Variants in DIS3 observed in about 807,000 individuals in gnomAD.
DIS3 encodes the protein DIS3 exosome endoribonuclease and 3'-5' exoribonuclease, also known as exosome complex exonuclease RRP44.
In DIS3, 103 loss-of-function variants were observed where a neutral mutation model predicts 113.0. The ratio of observed to expected loss-of-function variants is 0.91; its 90% CI spans 0.78 to 1.07. The LOEUF is 1.07. Among genes scored for constraint, DIS3 ranks in the 50% least tolerant of loss-of-function variants. The pLI is 0.00. For synonymous variants in DIS3, 402 were observed against 394.3 expected (o/e 1.02, Z -0.23); for missense variants, 1,121 against 1,167.1 (o/e 0.96, Z 0.58).
At chr13:72,772,649 G>A in intron 9 of DIS3, 44 bp downstream of exon 9, 1 of 1,563,194 alleles carries the variant, frequency 6.4e-7, no homozygotes, top group Non-Finnish European at 8.6e-7. Flanking sequence ...AACTAGGCAG[G>A]ATATAATAAT....
Position 72,760,513 on chromosome 13 carries a change from T to G in DIS3, c.2793+16A>C, listed in dbSNP as rs760436588. On this transcript the variant is annotated intron_variant, in intron 20 of 20. Coordinates refer to ENST00000377767, the MANE Select transcript of DIS3 (RefSeq NM_014953.5). ...TTTGTTCCATCACAACAAGGAAATT[T>G]TAAGTTTGGCCTTACCTGTGGTTCT... The G allele has an allele frequency of 9.3e-6, 15 of 1,613,132 alleles. No homozygotes were observed. The East Asian group carries it at 3.3e-4, about 36-fold the overall frequency.
intron 19 of DIS3, 68 bp from the exon 20 acceptor site, chr13:72,760,719 C>A (rs2033602450): frequency 1.3e-6 from 2 of 1,539,622 alleles, no homozygotes; most frequent in Non-Finnish European, 1.8e-6. Flanking sequence ...TAATCCTTTA[C>A]AATTTATCTT....
Position 72,771,005 on chromosome 13 carries a change from A to G in DIS3, c.1671-17T>C, listed in dbSNP as rs772599061. ...AATGCCAGCCTGTGAAGGAAAATAC[A>G]GAGTATTTGTTAATGGGAATCAGGT... is the stretch of plus-strand genomic sequence containing the variant. On this transcript the variant is annotated splice_polypyrimidine_tract_variant and intron_variant, in intron 12 of 20. Transcript: ENST00000377767. 5.6e-6 allele frequency: 9 copies of G among 1,605,810 alleles called. No homozygotes were observed. Among genetic ancestry groups the G allele is most frequent in the Non-Finnish European group, 6.8e-6 (8 of 1,175,154 alleles).
At position 72,763,577 on chromosome 13, in the gene DIS3, CAT is replaced by C. The variant is rs1428278025; in HGVS notation, c.1999_2000del (p.Met667ValfsTer13). 1.9e-6 allele frequency: 3 copies of C among 1,612,544 alleles called. No homozygotes were observed. Among genetic ancestry groups the C allele is most frequent in the Non-Finnish European group, 2.5e-6 (3 of 1,179,674 alleles). ...RETNSMVEEF[M>X]LLANISVAKK... Reference sequence around the variant, plus strand: ...TTGCAACAGAAATATTGGCAAGTAACATAAATTCTTCAACCATGGAATTTGTT... The same window carrying C: ...TTGCAACAGAAATATTGGCAAGTAACAAATTCTTCAACCATGGAATTTGTT... On this transcript the variant is annotated frameshift_variant, in exon 16 of 21. Transcript: ENST00000377767. LOFTEE classifies it high-confidence loss of function.
chr13:72,759,743 G>GT lies in DIS3; in HGVS notation c.*51dup. 6.9e-7 allele frequency: 1 copy of GT among 1,458,060 alleles called. No homozygotes were observed. The highest frequency in any genetic ancestry group is 1.8e-5 in the Admixed American group (1 of 55,552). 90.3% of individuals were successfully genotyped at this position (1,458,060 alleles called of 1,614,324 possible). A position where few individuals can be genotyped will look rare whatever the true frequency, so the allele number is the denominator to read the frequency against. On this transcript the variant is annotated 3_prime_UTR_variant, in exon 21 of 21. Transcript: ENST00000377767. Reference sequence around the variant, plus strand: ...CTTAGGCTTAGAAGTGTTCTTTCAAGTTTTTTCTTTTAAAAAAGAAACCAG... The same window carrying GT: ...CTTAGGCTTAGAAGTGTTCTTTCAAGTTTTTTTCTTTTAAAAAAGAAACCAG...
chr13:72,777,291 A>C (rs1340306096), intron 4 of DIS3, 129 bp downstream of exon 4: 2 of 839,660 alleles, frequency 2.4e-6, no homozygotes, highest in Admixed American at 4.8e-5. Context: ...ACTCCTGTTT[A>C]TAACACAACT....
rs2033471881 is a variant in DIS3 at position 72,756,324 on chromosome 13, G to C, written c.*3471C>G. On this transcript the variant is annotated 3_prime_UTR_variant, in exon 21 of 21. Coordinates refer to ENST00000377767, the MANE Select transcript of DIS3 (RefSeq NM_014953.5). Reference sequence around the variant, plus strand: ...ACCATGAACACTAATAGCCATTAGGGGACATGGCTACAGATACTACATTGG... The same window carrying C: ...ACCATGAACACTAATAGCCATTAGGCGACATGGCTACAGATACTACATTGG... 5.9e-6 allele frequency: 1 copy of C among 169,536 alleles called. No homozygotes were observed. Among genetic ancestry groups the C allele is most frequent in the Admixed American group, 6.3e-5 (1 of 15,768 alleles). 10.5% of individuals were successfully genotyped at this position (169,536 alleles called of 1,614,324 possible). A position where few individuals can be genotyped will look rare whatever the true frequency, so the allele number is the denominator to read the frequency against.
In DIS3 at chr13:72,772,278, A is replaced by T. The variant is rs1334209695; in HGVS notation, c.1387-3T>A. ...AGGTCTTCTCGGTTTTTCATGTCCT[A>T]GAAGACATGAAATGATAAACAAATA... On this transcript the variant is annotated splice_polypyrimidine_tract_variant and splice_region_variant and intron_variant, in intron 9 of 20. Coordinates refer to ENST00000377767, the MANE Select transcript of DIS3 (RefSeq NM_014953.5). The T allele has an allele frequency of 6.3e-7, 1 of 1,587,814 alleles. No homozygotes were observed. Among genetic ancestry groups the T allele is most frequent in the East Asian group, 2.2e-5 (1 of 44,754 alleles).
At position 72,760,539 on chromosome 13, in the gene DIS3, A is replaced by G. The variant is rs764672135; in HGVS notation, c.2783T>C (p.Val928Ala). ...LQHQKIRMSL[V>A]EPQIPGISIP... ...TAAGTTTGGCCTTACCTGTGGTTCT[A>G]CCAGGGACATTCGGATCTTCTGATG... Residue 928 changes from valine (V) to alanine (A), a missense_variant, in exon 20 of 21, where the codon GTA becomes GCA. Val to Ala is a moderately conservative substitution (Grantham distance 64). Around this residue, in one of 3 missense-constraint regions of DIS3, gnomAD observed 861 missense variants for 915.5 expected, o/e 0.94. Coordinates refer to ENST00000377767, the MANE Select transcript of DIS3 (RefSeq NM_014953.5). 4 of 1,613,442 alleles carry G rather than the reference A, an allele frequency of 2.5e-6. No individual in the cohort carries two copies. In the Admixed American group the frequency reaches 5.0e-5, roughly 20 times the overall value.
At chr13:72,768,623 G>A (rs967443091) in intron 14 of DIS3, among the ~76,000 whole-genome samples, 162 bp downstream of exon 14, 1 of 152,168 alleles carries the variant, frequency 6.6e-6, no homozygotes, top group East Asian at 1.9e-4. Context: ...CAGCGTGGGT[G>A]ACAGAGTAAA....
intron 2 of DIS3, among the ~76,000 whole-genome samples, chr13:72,780,519 C>T (rs1041240393): frequency 3.9e-5 from 6 of 151,926 alleles, no homozygotes; most frequent in African/African-American, 7.3e-5. Flanking sequence ...ATATGGTATT[C>T]CAGGAACTTA....
At position 72,765,868 on chromosome 13, in the gene DIS3, A is replaced by G. The variant is rs1294238430; in HGVS notation, c.1970+104T>C. 3.9e-6 allele frequency: 3 copies of G among 763,332 alleles called. No homozygotes were observed. The South Asian group carries it at 9.9e-5, about 25-fold the overall frequency. 47.3% of individuals were successfully genotyped at this position (763,332 alleles called of 1,614,324 possible). On this transcript the variant is annotated intron_variant, in intron 15 of 20. Coordinates refer to ENST00000377767, the MANE Select transcript of DIS3 (RefSeq NM_014953.5). ...CAAATAAAGTAGAAATCATGACCCTAATCATTATTTTGTATATAAACGTTT... is the reference window on the plus strand; with the variant it reads ...CAAATAAAGTAGAAATCATGACCCTGATCATTATTTTGTATATAAACGTTT...
chr13:72,779,583 G>C (rs2034104214), intron 2 of DIS3, among the ~76,000 whole-genome samples: 1 of 152,142 alleles, frequency 6.6e-6, no homozygotes, highest in East Asian at 1.9e-4. Flanking sequence ...TTCTTTACAA[G>C]AACATTGAAG....
chr13:72,755,732 C>A lies in DIS3; in HGVS notation c.*4063G>T, dbSNP rs1192088443. 2 of 397,292 alleles carry A rather than the reference C, an allele frequency of 5.0e-6. No homozygotes were observed. The highest frequency in any genetic ancestry group is 8.9e-6 in the Non-Finnish European group (2 of 225,864). The allele number at this position is 397,292 out of a possible 1,614,324, so 24.6% of individuals were successfully genotyped here. ...CTGAAATTTTAGTTCTTGGTCTGTTCACCTCTGTGGGGAAAATTCTTAGTT... is the reference window on the plus strand; with the variant it reads ...CTGAAATTTTAGTTCTTGGTCTGTTAACCTCTGTGGGGAAAATTCTTAGTT... On this transcript the variant is annotated 3_prime_UTR_variant, in exon 21 of 21. Transcript: ENST00000377767.
At chr13:72,779,805 G>C (rs1008453376) in intron 2 of DIS3, among the ~76,000 whole-genome samples, 10 of 151,808 alleles carry the variant, frequency 6.6e-5, no homozygotes, top group Admixed American at 3.3e-4. Context: ...TGCCAAATAG[G>C]CTAGGAACAC....
At chr13:72,768,215 T>C (rs1428310523) in intron 14 of DIS3, among the ~76,000 whole-genome samples, 2 of 152,170 alleles carry the variant, frequency 1.3e-5, no homozygotes, top group Non-Finnish European at 2.9e-5. Flanking sequence ...TTAGAAACAA[T>C]TTCCAGAAAT....
rs562378457 is a variant in DIS3 at position 72,773,166 on chromosome 13, T to C, written c.1240-327A>G. Among the ~76,000 whole-genome samples the C allele has an allele frequency of 5.3e-5, 8 of 152,304 alleles. No individual in the cohort carries two copies. In the East Asian group the frequency reaches 9.7e-4, roughly 18 times the overall value. The stretch of plus-strand genomic sequence containing the variant: ...TCATAGTCATGATCAATAAAACTTA[T>C]AGGTTTAAAAACTTACATAAAAGAG... On this transcript the variant is annotated intron_variant, in intron 8 of 20. Coordinates refer to ENST00000377767, the MANE Select transcript of DIS3 (RefSeq NM_014953.5).
rs1263244376 is a variant in DIS3 at position 72,766,071 on chromosome 13, T to TA, written c.1884-14dup. On this transcript the variant is annotated splice_polypyrimidine_tract_variant and intron_variant, in intron 14 of 20. Transcript: ENST00000377767. ...TAGAGTCAAAGCCCTACATAAAAAT[T>TA]AAAGAGAAAAATTATAGTCAAGCAA... 1 of 1,566,748 alleles carries TA rather than the reference T, an allele frequency of 6.4e-7. No homozygotes were observed. The highest frequency in any genetic ancestry group is 1.4e-5 in the African/African-American group (1 of 72,684).
intron 20 of DIS3, 93 bp downstream of exon 20, chr13:72,760,436 T>G (rs1409798706): frequency 6.6e-7 from 1 of 1,519,884 alleles, no homozygotes; most frequent in Non-Finnish European, 9.0e-7. Flanking sequence ...CAGGGTTCCC[T>G]CTAACATTAA....
Sources: allele counts gnomAD v4.1 joint callset (sites outside exome capture counted in the v4.1 genomes callset), GRCh38; gene constraint gnomAD v4.1.1; regional missense constraint gnomAD v4.1.1; transcripts MANE v1.5; gene names NCBI Gene and HGNC (gene_info 2026-07-23, HGNC 2026-07-21).